The following THSD7B variants were observed in gnomAD, a reference collection of about 807,000 sequenced individuals.
THSD7B encodes thrombospondin type-1 domain-containing protein 7B.
THSD7B carries 138 observed loss-of-function variants against 213.6 expected under a neutral mutation model. The observed-to-expected ratio is 0.65, with a 90% CI of 0.56 to 0.74. The LOEUF is 0.74. Ranked by LOEUF, THSD7B falls within the 30% of genes least tolerant of loss-of-function variation. The pLI, the probability that THSD7B is intolerant of heterozygous loss-of-function variation, is 0.00. For synonymous variants in THSD7B, 742 were observed against 687.0 expected (o/e 1.08, Z -1.25); for missense variants, 1,931 against 1,991.5 (o/e 0.97, Z 0.58).
At chr2:137,526,859 G>C (rs1002090104) in intron 15 of THSD7B, among the ~76,000 whole-genome samples, 5 of 152,132 alleles carry the variant, frequency 3.3e-5, no homozygotes, top group African/African-American at 1.2e-4. Flanking sequence ...TTTGAACTGT[G>C]CCTTGAAGAA....
rs77216021 is a variant in THSD7B at position 136,929,760 on chromosome 2, G to A, written c.139+47443G>A. 9.7e-3 allele frequency among the ~76,000 whole-genome samples: 1,473 copies of A among 152,260 alleles called. 16 individuals carry two copies. Among genetic ancestry groups the A allele is most frequent in the Non-Finnish European group, 0.012 (809 of 68,018 alleles). On this transcript the variant is annotated intron_variant, in intron 2 of 27. Transcript: ENST00000409968. ...GCCTATTTGTGACTCAGAGCACCAG[G>A]TGTTCCCTGTGGGGTAGTTGCTTGC... is the stretch of plus-strand genomic sequence containing the variant.
intron 3 of THSD7B, among the ~76,000 whole-genome samples, chr2:137,093,975 C>G (rs368684120): frequency 6.6e-6 from 1 of 152,090 alleles, no homozygotes; most frequent in Non-Finnish European, 1.5e-5. Flanking sequence ...CACATTTTGC[C>G]TATCAGGAAA....
intron 12 of THSD7B, among the ~76,000 whole-genome samples, chr2:137,381,866 G>A (rs1333482055): frequency 6.6e-6 from 1 of 152,194 alleles, no homozygotes; most frequent in Non-Finnish European, 1.5e-5. Context: ...CCAGGCTGGG[G>A]TGTAAAGCCT....
intron 5 of THSD7B, among the ~76,000 whole-genome samples, chr2:137,154,085 T>G (rs1679865671): frequency 6.6e-6 from 1 of 152,150 alleles, no homozygotes. Flanking sequence ...AAAATCATAT[T>G]TAAAATTAAC....
intron 7 of THSD7B, among the ~76,000 whole-genome samples, chr2:137,198,313 T>C (rs994192488): frequency 6.6e-6 from 1 of 152,182 alleles, no homozygotes; most frequent in Non-Finnish European, 1.5e-5. Context: ...GTATTTTCTC[T>C]TTATCTTTCA....
At chr2:137,608,622 A>C (rs1397634527) in intron 17 of THSD7B, among the ~76,000 whole-genome samples, 5 of 152,216 alleles carry the variant, frequency 3.3e-5, no homozygotes, top group Non-Finnish European at 5.9e-5. Flanking sequence ...GCACAGTTCT[A>C]GGTATGTATT....
intron 1 of THSD7B, 125 bp from the exon 2 acceptor site, chr2:136,882,019 A>G (rs1683632476): frequency 1.8e-6 from 1 of 551,828 alleles, no homozygotes; most frequent in Non-Finnish European, 2.8e-6. Flanking sequence ...TTGATATTAT[A>G]TGTACTATCT....
At chr2:136,987,709 T>C (rs1015556464) in intron 2 of THSD7B, among the ~76,000 whole-genome samples, 2 of 152,352 alleles carry the variant, frequency 1.3e-5, no homozygotes, top group African/African-American at 4.8e-5. Flanking sequence ...TCATGTAATC[T>C]GATAATTGTG....
chr2:137,546,428 ATATATATT>A (rs1680725469), intron 15 of THSD7B, among the ~76,000 whole-genome samples: 2 of 29,750 alleles, frequency 6.7e-5, no homozygotes, highest in Non-Finnish European at 1.0e-4. Context: ...TATATATTAT[ATATATATT>A]ATATATATTA....
chr2:136,984,793 T>C (rs1477046280), intron 2 of THSD7B, among the ~76,000 whole-genome samples: 2 of 152,150 alleles, frequency 1.3e-5, no homozygotes, highest in Non-Finnish European at 2.9e-5. Context: ...GCTTAGGGAC[T>C]GTTAAATAGT....
intron 7 of THSD7B, among the ~76,000 whole-genome samples, chr2:137,216,273 C>T (rs866166387): frequency 6.0e-4 from 4 of 6,658 alleles, no homozygotes; most frequent in South Asian, 0.033. Flanking sequence ...CCCTGCCCCC[C>T]GCCCCCCACC....
intron 2 of THSD7B, among the ~76,000 whole-genome samples, chr2:136,902,396 G>A (rs560713044): frequency 3.3e-4 from 51 of 152,324 alleles, no homozygotes; most frequent in African/African-American, 1.2e-3. Flanking sequence ...TTTTTATAGA[G>A]TTTTCAAGCT....
intron 25 of THSD7B, 54 bp downstream of exon 25, chr2:137,659,800 AT>A: frequency 6.7e-7 from 1 of 1,499,294 alleles, no homozygotes; most frequent in Non-Finnish European, 9.0e-7. Context: ...TGTTTTACAC[AT>A]GCAATCAGAT....
At chr2:137,638,648 G>A (rs1682879862) in intron 20 of THSD7B, among the ~76,000 whole-genome samples, 1 of 152,212 alleles carries the variant, frequency 6.6e-6, no homozygotes, top group African/African-American at 2.4e-5. Context: ...GTGGGGAAGT[G>A]TTGAACCTCC....
intron 7 of THSD7B, among the ~76,000 whole-genome samples, chr2:137,188,766 A>C (rs1292514237): frequency 2.0e-5 from 3 of 152,220 alleles, no homozygotes; most frequent in Non-Finnish European, 1.5e-5. Flanking sequence ...CCTTAGGAGC[A>C]GCATCTCTTT....
At chr2:137,156,086 G>A (rs1045486226) in intron 5 of THSD7B, 1 of 152,176 alleles carries the variant, frequency 6.6e-6, no homozygotes, top group Non-Finnish European at 1.5e-5. Context: ...AATCAGCTCT[G>A]AAGCTCACTC....
At chr2:137,445,233 A>G (rs1223286623) in intron 14 of THSD7B, among the ~76,000 whole-genome samples, 2 of 152,090 alleles carry the variant, frequency 1.3e-5, no homozygotes, top group African/African-American at 4.8e-5. Context: ...GAACTACCAT[A>G]TGATTCAGCA....
At chr2:137,664,346 G>C (rs1683408412) in intron 26 of THSD7B, among the ~76,000 whole-genome samples, 1 of 152,128 alleles carries the variant, frequency 6.6e-6, no homozygotes, top group South Asian at 2.1e-4. Flanking sequence ...GACCTTACTG[G>C]ACCCATGGCT....
chr2:137,630,684 TATC>T (rs1682724387), intron 20 of THSD7B, among the ~76,000 whole-genome samples: 1 of 152,196 alleles, frequency 6.6e-6, no homozygotes, highest in Non-Finnish European at 1.5e-5. Context: ...GGTTGGAGAC[TATC>T]ATTAGGAAAC....
Sources: allele counts gnomAD v4.1 joint callset (sites outside exome capture counted in the v4.1 genomes callset), GRCh38; gene constraint gnomAD v4.1.1; transcripts MANE v1.5; gene names NCBI Gene and HGNC (gene_info 2026-07-23, HGNC 2026-07-21).